The following CHRM3 variants were observed in gnomAD, a reference collection of about 807,000 sequenced individuals.
The protein encoded by CHRM3 is muscarinic acetylcholine receptor M3.
Under a neutral mutation model 41.8 loss-of-function variants are expected in CHRM3, and 11 were observed. The ratio of observed to expected loss-of-function variants is 0.26; its 90% CI spans 0.17 to 0.44. CHRM3 has a LOEUF of 0.44. CHRM3 is among the 20% of genes least tolerant of loss of function. CHRM3 has a pLI of 1.00. For missense variants in CHRM3, 571 were observed against 745.4 expected (o/e 0.77, Z 2.72); for synonymous variants, 297 against 301.4 (o/e 0.99, Z 0.15).
intron 2 of CHRM3, among the ~76,000 whole-genome samples, chr1:239,512,303 G>A (rs1209537243): frequency 2.0e-5 from 3 of 152,168 alleles, no homozygotes; most frequent in Non-Finnish European, 4.4e-5. Flanking sequence ...GAGAAATGGG[G>A]GAACCATCTG....
intron 3 of CHRM3, among the ~76,000 whole-genome samples, chr1:239,548,285 T>C (rs1436082247): frequency 6.6e-6 from 1 of 152,160 alleles, no homozygotes; most frequent in Non-Finnish European, 1.5e-5. Flanking sequence ...TATGTCCATC[T>C]CTCTAGTTGA....
intron 5 of CHRM3, among the ~76,000 whole-genome samples, chr1:239,717,918 A>G (rs1177706732): frequency 6.6e-6 from 1 of 152,066 alleles, no homozygotes; most frequent in Non-Finnish European, 1.5e-5. Flanking sequence ...GTGGCACAAG[A>G]TACAACAGGA....
intron 4 of CHRM3, among the ~76,000 whole-genome samples, chr1:239,654,763 C>T (rs1433149544): frequency 6.6e-6 from 1 of 152,118 alleles, no homozygotes; most frequent in Non-Finnish European, 1.5e-5. Context: ...ATATATCTGG[C>T]GTCCATGAAT....
At chr1:239,475,211 G>T (rs973906942) in intron 1 of CHRM3, among the ~76,000 whole-genome samples, 1 of 152,086 alleles carries the variant, frequency 6.6e-6, no homozygotes, top group Non-Finnish European at 1.5e-5. Context: ...CATGTTGTAT[G>T]TGTGAAGGAT....
chr1:239,593,888 T>A (rs1393191578), intron 3 of CHRM3, among the ~76,000 whole-genome samples: 1 of 152,190 alleles, frequency 6.6e-6, no homozygotes, highest in East Asian at 1.9e-4. Flanking sequence ...AATCCACCGA[T>A]AAGCAAGTTC....
chr1:239,768,936 T>A (rs775903329), intron 5 of CHRM3, among the ~76,000 whole-genome samples: 1 of 152,146 alleles, frequency 6.6e-6, no homozygotes, highest in Non-Finnish European at 1.5e-5. Context: ...AACTAATTTT[T>A]GTATTTTTAG....
At chr1:239,775,179 A>T (rs1230939757) in intron 5 of CHRM3, among the ~76,000 whole-genome samples, 3 of 152,172 alleles carry the variant, frequency 2.0e-5, no homozygotes, top group Non-Finnish European at 4.4e-5. Flanking sequence ...AGTTTATTTT[A>T]AAAAATCAGA....
chr1:239,634,272 A>T (rs1670194784), intron 4 of CHRM3, among the ~76,000 whole-genome samples: 2 of 152,144 alleles, frequency 1.3e-5, no homozygotes, highest in Non-Finnish European at 2.9e-5. Flanking sequence ...ACTTTCTATT[A>T]TATTTTGCAT....
chr1:239,592,120 T>C (rs1018590552), intron 3 of CHRM3, among the ~76,000 whole-genome samples: 2 of 152,198 alleles, frequency 1.3e-5, no homozygotes. Flanking sequence ...TTCATTTGAA[T>C]TAGGCCTTCT....
intron 2 of CHRM3, among the ~76,000 whole-genome samples, chr1:239,525,026 C>T (rs1275397360): frequency 7.9e-5 from 12 of 152,154 alleles, no homozygotes; most frequent in South Asian, 6.2e-4. Flanking sequence ...ATTATATTAT[C>T]GTGTGTTTCG....
At chr1:239,473,263 G>GA (rs200627399) in intron 1 of CHRM3, among the ~76,000 whole-genome samples, 1,569 of 80,348 alleles carry the variant, frequency 0.02, 27 homozygotes, top group African/African-American at 0.045. Flanking sequence ...AAGCATATTT[G>GA]AAAAAAAAAA....
intron 1 of CHRM3, among the ~76,000 whole-genome samples, chr1:239,491,649 A>C (rs886459695): frequency 2.0e-5 from 3 of 152,192 alleles, no homozygotes; most frequent in African/African-American, 7.2e-5. Flanking sequence ...TAAGCATAGG[A>C]GGGCAGATGT....
At chr1:239,731,016 T>G (rs1663915214) in intron 5 of CHRM3, among the ~76,000 whole-genome samples, 1 of 151,884 alleles carries the variant, frequency 6.6e-6, no homozygotes, top group South Asian at 2.1e-4. Context: ...TGAAGGAGAA[T>G]AAGAAAAAAT....
intron 6 of CHRM3, among the ~76,000 whole-genome samples, chr1:239,890,778 T>A (rs1678488914): frequency 6.6e-6 from 1 of 152,216 alleles, no homozygotes; most frequent in South Asian, 2.1e-4. Flanking sequence ...ATCATAAAGA[T>A]TTTTAAATCA....
At chr1:239,715,430 T>A (rs1170637430) in intron 5 of CHRM3, among the ~76,000 whole-genome samples, 2 of 152,142 alleles carry the variant, frequency 1.3e-5, no homozygotes, top group African/African-American at 2.4e-5. Context: ...AATTTGTAGC[T>A]ATTACAGATG....
At chr1:239,776,128 G>A (rs73125267) in intron 5 of CHRM3, among the ~76,000 whole-genome samples, 5,550 of 152,012 alleles carry the variant, frequency 0.037, 348 homozygotes, top group African/African-American at 0.13. Context: ...TAATGATTTG[G>A]TCTCTGTGAA....
chr1:239,491,265 G>A (rs1667535439), intron 1 of CHRM3, among the ~76,000 whole-genome samples: 2 of 152,102 alleles, frequency 1.3e-5, no homozygotes, highest in Non-Finnish European at 2.9e-5. Flanking sequence ...TCATCCTATA[G>A]TGCTGTAGAA....
intron 1 of CHRM3, among the ~76,000 whole-genome samples, chr1:239,410,399 T>G (rs538500363): frequency 6.6e-6 from 1 of 152,320 alleles, no homozygotes; most frequent in South Asian, 2.1e-4. Flanking sequence ...GTGTGTCTTT[T>G]TTAGAATGTG....
At chr1:239,447,978 G>T (rs372438328) in intron 1 of CHRM3, among the ~76,000 whole-genome samples, 1 of 152,140 alleles carries the variant, frequency 6.6e-6, no homozygotes, top group Non-Finnish European at 1.5e-5. Context: ...ACCCAATCCA[G>T]CACTTTGTCC....
Sources: allele counts gnomAD v4.1 joint callset (sites outside exome capture counted in the v4.1 genomes callset), GRCh38; gene constraint gnomAD v4.1.1; transcripts MANE v1.5; gene names NCBI Gene and HGNC (gene_info 2026-07-23, HGNC 2026-07-21).